The following RAB38 variants were observed in gnomAD, a reference collection of about 807,000 sequenced individuals.
The protein encoded by RAB38 is RAB38, member RAS oncogene family, also known as ras-related protein Rab-38.
In RAB38, 15 loss-of-function variants were observed where a neutral mutation model predicts 18.4. The ratio of observed to expected loss-of-function variants is 0.82; its 90% CI spans 0.55 to 1.26. The LOEUF is 1.26. Among genes scored for constraint, RAB38 ranks in the 50% most tolerant of loss-of-function variants. The pLI is 0.00. For missense variants in RAB38, 294 were observed against 267.4 expected, an observed-to-expected ratio of 1.10 and a Z score of -0.69; for synonymous variants, 101 against 104.4, an observed-to-expected ratio of 0.97 and a Z score of 0.20.
At chr11:88,039,443 T>G in the RAB38 span, among the ~76,000 whole-genome samples, 1 of 152,138 alleles carries the variant, frequency 6.6e-6, no homozygotes, top group African/African-American at 2.4e-5. Flanking sequence ...TAGGCCAATG[T>G]AAAGCAGCTA....
chr11:88,019,342 C>T, the RAB38 span, among the ~76,000 whole-genome samples: 2 of 152,076 alleles, frequency 1.3e-5, no homozygotes, highest in African/African-American at 2.4e-5. Context: ...TCCAATCTGC[C>T]AGCACATCCT....
At chr11:88,035,944 A>G in the RAB38 span, among the ~76,000 whole-genome samples, 2 of 152,098 alleles carry the variant, frequency 1.3e-5, no homozygotes, top group Non-Finnish European at 2.9e-5. Context: ...ACTGCTTTTA[A>G]AAATCCAGGT....
chr11:87,972,686 C>CA, the RAB38 span, among the ~76,000 whole-genome samples: 1 of 152,026 alleles, frequency 6.6e-6, no homozygotes, highest in African/African-American at 2.4e-5. Context: ...ACGAAGTTTC[C>CA]AGACAGCTTT....
chr11:88,132,581 A>C (rs1029479549), intron 2 of RAB38, among the ~76,000 whole-genome samples: 3 of 152,086 alleles, frequency 2.0e-5, no homozygotes, highest in Admixed American at 1.3e-4. Context: ...CCTCAGCCTC[A>C]CGAGTAGCTG....
At chr11:88,173,549 C>T in intron 1 of RAB38, 1 of 985,422 alleles carries the variant, frequency 1.0e-6, no homozygotes, top group Non-Finnish European at 1.2e-6. Flanking sequence ...AGACATAGAA[C>T]TTCTCTGCTG....
the RAB38 span, among the ~76,000 whole-genome samples, chr11:87,830,176 G>A: frequency 5.9e-5 from 9 of 152,008 alleles, no homozygotes; most frequent in Admixed American, 5.9e-4. Context: ...GCAGGATGGT[G>A]GTAGAAATAA....
chr11:87,895,707 T>C, the RAB38 span, among the ~76,000 whole-genome samples: 1 of 151,598 alleles, frequency 6.6e-6, no homozygotes, highest in African/African-American at 2.4e-5. Context: ...GGGATATGTT[T>C]ATAATTCCAT....
the RAB38 span, among the ~76,000 whole-genome samples, chr11:87,839,975 A>C: frequency 7.9e-5 from 12 of 152,152 alleles, no homozygotes; most frequent in Non-Finnish European, 1.3e-4. Flanking sequence ...GAGGATGAAA[A>C]CAAAAGAACA....
the RAB38 span, among the ~76,000 whole-genome samples, chr11:88,078,523 A>G: frequency 5.0e-5 from 3 of 60,082 alleles, no homozygotes; most frequent in Non-Finnish European, 9.9e-5. Context: ...GTGTGTGTAC[A>G]GTGGAATATT....
chr11:87,882,996 A>C, the RAB38 span, among the ~76,000 whole-genome samples: 1 of 151,846 alleles, frequency 6.6e-6, no homozygotes, highest in African/African-American at 2.4e-5. Context: ...TTGAATTTTC[A>C]CTGATTTATT....
At chr11:87,940,792 C>T in the RAB38 span, among the ~76,000 whole-genome samples, 1 of 151,882 alleles carries the variant, frequency 6.6e-6, no homozygotes, top group Non-Finnish European at 1.5e-5. Context: ...ACCACTACGT[C>T]TGGCTAATTT....
intron 1 of RAB38, among the ~76,000 whole-genome samples, chr11:88,174,631 AAAAAAAAAAAC>A (rs1943355665): frequency 6.7e-6 from 1 of 148,718 alleles, no homozygotes; most frequent in Non-Finnish European, 1.5e-5. Flanking sequence ...AAAAAAAAAA[AAAAAAAAAAAC>A]AAAACAAAAA....
the RAB38 span, among the ~76,000 whole-genome samples, chr11:87,954,600 C>T: frequency 6.6e-6 from 1 of 151,966 alleles, no homozygotes; most frequent in African/African-American, 2.4e-5. Context: ...CCTCAGTTTT[C>T]TGTGAGCACT....
the RAB38 span, among the ~76,000 whole-genome samples, chr11:88,052,957 G>T: frequency 1.7e-3 from 80 of 47,102 alleles, no homozygotes; most frequent in Middle Eastern, 0.013. Context: ...TTATATATAT[G>T]ATATATATGA....
chr11:87,976,852 T>C, the RAB38 span, among the ~76,000 whole-genome samples: 3 of 99,424 alleles, frequency 3.0e-5, 1 homozygote, highest in African/African-American at 1.2e-4. Context: ...TTGTGTTATA[T>C]AATGTATTAT....
chr11:88,076,144 T>A, the RAB38 span, among the ~76,000 whole-genome samples: 1 of 151,398 alleles, frequency 6.6e-6, no homozygotes, highest in Non-Finnish European at 1.5e-5. Flanking sequence ...GATAGAAGAA[T>A]CTGACCACAA....
the RAB38 span, among the ~76,000 whole-genome samples, chr11:87,918,694 C>A: frequency 0.91 from 138,912 of 152,162 alleles, 63,411 homozygotes; most frequent in East Asian, 0.94. Flanking sequence ...ATGTCTATTG[C>A]GGTATTTTTC....
intron 1 of RAB38, among the ~76,000 whole-genome samples, chr11:88,168,192 G>A (rs1307700852): frequency 6.6e-6 from 1 of 152,174 alleles, no homozygotes; most frequent in African/African-American, 2.4e-5. Context: ...CTGGAAGTAA[G>A]AAGACCTATT....
At chr11:88,133,261 T>C (rs896087099) in intron 2 of RAB38, among the ~76,000 whole-genome samples, 10 of 152,208 alleles carry the variant, frequency 6.6e-5, no homozygotes, top group African/African-American at 2.2e-4. Context: ...AAAGTCATTC[T>C]GTGCTGGGAA....
Sources: allele counts gnomAD v4.1 joint callset (sites outside exome capture counted in the v4.1 genomes callset), GRCh38; gene constraint gnomAD v4.1.1; transcripts MANE v1.5; gene names NCBI Gene and HGNC (gene_info 2026-07-23, HGNC 2026-07-21).